The following HAGH variants were observed in gnomAD, a reference collection of about 807,000 sequenced individuals.
The protein encoded by HAGH is hydroxyacylglutathione hydrolase, mitochondrial.
Under a neutral mutation model 35.1 loss-of-function variants are expected in HAGH, and 29 were observed. The ratio of observed to expected loss-of-function variants is 0.83; its 90% CI spans 0.62 to 1.13. HAGH has a LOEUF of 1.13. HAGH is among the 50% of genes most tolerant of loss of function. HAGH has a pLI of 0.00. For missense variants in HAGH, 478 were observed against 419.6 expected (o/e 1.14, Z -1.22); for synonymous variants, 225 against 176.1 (o/e 1.28, Z -2.20).
rs1026461455 is a variant in HAGH at position 1,822,364 on chromosome 16, C to G, written c.250G>C (p.Val84Leu). The G allele has an allele frequency of 1.5e-5, 24 of 1,608,286 alleles. No individual in the cohort carries two copies. The highest frequency in any genetic ancestry group is 1.9e-5 in the Non-Finnish European group (22 of 1,176,562). The change falls in exon 3 of 9, where the codon GTC (valine) becomes CTC (leucine). Residue 84 changes from valine (V) to leucine (L), a missense_variant and splice_region_variant. Coordinates refer to ENST00000397356, the MANE Select transcript of HAGH (RefSeq NM_005326.6). The stretch of plus-strand genomic sequence containing the variant: ...CCGTGCTTTCTCGCCGCGTCCACGA[C>G]CTGCAGTGGCCCCGGGGAAGGACAA... Reference protein sequence around the residue: ...AIVDPVQPQKVVDAARKHGVK... With the variant: ...AIVDPVQPQKLVDAARKHGVK...
rs76162645 is a variant in HAGH at position 1,822,825 on chromosome 16, G to T, written c.249+40C>A. 817 of 1,582,016 alleles carry T rather than the reference G, an allele frequency of 5.2e-4. 14 individuals are homozygous for T. In the East Asian group the frequency reaches 0.018, roughly 35 times the overall value. Reference sequence around the variant, plus strand: ...CATCGGGGGTGAGGACTCCGAGCTGGGTGACCAGGGCAGGGAGAGCCAGGC... The same window carrying T: ...CATCGGGGGTGAGGACTCCGAGCTGTGTGACCAGGGCAGGGAGAGCCAGGC... On this transcript the variant is annotated intron_variant, in intron 2 of 8. Coordinates refer to ENST00000397356, the MANE Select transcript of HAGH (RefSeq NM_005326.6).
chr16:1,817,129 G>C (rs1386731252), intron 6 of HAGH, 39 bp downstream of exon 6: 1 of 1,451,368 alleles, frequency 6.9e-7, no homozygotes, highest in Non-Finnish European at 9.7e-7. Flanking sequence ...CCCTGGTTAA[G>C]GCCCCCCACA....
intron 7 of HAGH, among the ~76,000 whole-genome samples, chr16:1,816,681 G>A (rs368736226): frequency 1.3e-4 from 20 of 152,228 alleles, no homozygotes; most frequent in African/African-American, 4.8e-4. Flanking sequence ...CACACGCAGC[G>A]TCTGAGGCCT....
Position 1,826,811 on chromosome 16 carries a change from G to T in HAGH, c.-24C>A. 8.2e-7 allele frequency: 1 copy of T among 1,213,410 alleles called. No individual in the cohort carries two copies. The highest frequency in any genetic ancestry group is 1.0e-6 in the Non-Finnish European group (1 of 971,024). The allele number at this position is 1,213,410 out of a possible 1,614,324, so 75.2% of individuals were successfully genotyped here. A position where few individuals can be genotyped will look rare whatever the true frequency, so the allele number is the denominator to read the frequency against. ...ATGACCCGGGCCGGGCTGGACTGCC[G>T]AGCTGCCCAGGACTGCAAAACACCG... On this transcript the variant is annotated 5_prime_UTR_variant, in exon 1 of 9. Transcript: ENST00000397356.
chr16:1,818,820 C>T (rs2142040815), intron 5 of HAGH: 11 of 405,260 alleles, frequency 2.7e-5, no homozygotes, highest in South Asian at 2.2e-4. Context: ...AGCCACCCCT[C>T]GCCCTGCTGG....
rs1275653749 is a variant in HAGH, at chr16:1,819,199, G to A, written c.457C>T (p.Leu153=). The change falls in exon 5 of 9, where the codon CTG becomes TTG. Residue 153 remains leucine (L), a synonymous_variant. Coordinates refer to ENST00000397356, the MANE Select transcript of HAGH (RefSeq NM_005326.6). The part of the protein sequence containing the change: ...LQVGSLNVKC[L]ATPCHTSGHI... Reference sequence around the variant, plus strand: ...CCTGAAGTGTGGCACGGGGTCGCCAGGCACTTGACGTTCAGAGACCCCACC... The same window carrying A: ...CCTGAAGTGTGGCACGGGGTCGCCAAGCACTTGACGTTCAGAGACCCCACC... The A allele has an allele frequency of 1.9e-6, 3 of 1,611,894 alleles. No individual in the cohort carries two copies. Among genetic ancestry groups the A allele is most frequent in the Admixed American group, 1.7e-5 (1 of 59,930 alleles).
rs540116968 is a variant in HAGH, at chr16:1,822,703, C to T, written c.249+162G>A. ...CAGCGCTTTCTGTGTCACTGCCTCT[C>T]GCCTCCACCCTTCTTGGAGCCCTGT... On this transcript the variant is annotated intron_variant, in intron 2 of 8. Transcript: ENST00000397356. Among the ~76,000 whole-genome samples, 19 of 152,344 alleles carry T rather than the reference C, an allele frequency of 1.2e-4. No homozygotes were observed. The East Asian group carries it at 3.3e-3, about 26-fold the overall frequency.
rs945789904 is a variant in HAGH, at chr16:1,808,860, G to A, written c.*423C>T. On this transcript the variant is annotated 3_prime_UTR_variant, in exon 9 of 9. Transcript: ENST00000397356. ...CTGGCCGCCTCCAGGAAGAAGACGC[G>A]GCCACCTCTCCCTGCCGGGGGCCTG... The A allele has an allele frequency of 8.0e-5, 13 of 161,554 alleles. No individual in the cohort carries two copies. Among genetic ancestry groups the A allele is most frequent in the East Asian group, 1.8e-4 (1 of 5,644 alleles). 10.0% of individuals were successfully genotyped at this position (161,554 alleles called of 1,614,324 possible).
chr16:1,819,760 C>T (rs1898060650), intron 4 of HAGH, 137 bp downstream of exon 4: 1 of 684,590 alleles, frequency 1.5e-6, no homozygotes, highest in Non-Finnish European at 2.6e-6. Flanking sequence ...AGAAGACCAT[C>T]CACGCTGCCA....
At chr16:1,814,542 C>A (rs543796066) in intron 7 of HAGH, among the ~76,000 whole-genome samples, 1 of 151,428 alleles carries the variant, frequency 6.6e-6, no homozygotes, top group Admixed American at 6.6e-5. Flanking sequence ...AAACTATTTT[C>A]CAAAAGACAA....
Position 1,826,793 on chromosome 16 carries a change from G to A in HAGH, c.-6C>T. 2 of 1,214,836 alleles carry A rather than the reference G, an allele frequency of 1.6e-6. No homozygotes were observed. The highest frequency in any genetic ancestry group is 4.3e-5 in the Admixed American group (1 of 23,110). The allele number at this position is 1,214,836 out of a possible 1,614,324, so 75.3% of individuals were successfully genotyped here. A position where few individuals can be genotyped will look rare whatever the true frequency, so the allele number is the denominator to read the frequency against. On this transcript the variant is annotated 5_prime_UTR_variant, in exon 1 of 9. Coordinates refer to ENST00000397356, the MANE Select transcript of HAGH (RefSeq NM_005326.6). ...AGCCCTCGGCCCACCACCATGACCCGGGCCGGGCTGGACTGCCGAGCTGCC... is the reference window on the plus strand; with the variant it reads ...AGCCCTCGGCCCACCACCATGACCCAGGCCGGGCTGGACTGCCGAGCTGCC...
chr16:1,820,497 G>T (rs1015790116), intron 3 of HAGH, among the ~76,000 whole-genome samples: 3 of 152,134 alleles, frequency 2.0e-5, no homozygotes, highest in African/African-American at 7.2e-5. Context: ...TGTTCAGCAT[G>T]GGAATCACCT....
Position 1,819,611 on chromosome 16 carries a change from G to A in HAGH, c.432+286C>T, listed in dbSNP as rs1415519713. On this transcript the variant is annotated intron_variant, in intron 4 of 8. Coordinates refer to ENST00000397356, the MANE Select transcript of HAGH (RefSeq NM_005326.6). ...CCTCAAAAAGGCTGAAGACACCCTCGCAGGGCCCTCCCACCTGTGTGCTGT... is the reference window on the plus strand; with the variant it reads ...CCTCAAAAAGGCTGAAGACACCCTCACAGGGCCCTCCCACCTGTGTGCTGT... Among the ~76,000 whole-genome samples, 11 of 152,204 alleles carry A rather than the reference G, an allele frequency of 7.2e-5. No individual in the cohort carries two copies. The South Asian group carries it at 1.0e-3, about 14-fold the overall frequency.
rs1897481946 is a variant in HAGH at position 1,808,165 on chromosome 16, T to C, written c.*1118A>G. ...CCCTGTTCCCCAAGCCAGAATGCAG[T>C]GGCACAAGCAATGCTCACTGCAGCC... is the stretch of plus-strand genomic sequence containing the variant. On this transcript the variant is annotated 3_prime_UTR_variant, in exon 9 of 9. Transcript: ENST00000397356. 6.6e-6 allele frequency: 1 copy of C among 152,272 alleles called. No homozygotes were observed. Among genetic ancestry groups the C allele is most frequent in the South Asian group, 2.1e-4 (1 of 4,836 alleles). The allele number at this position is 152,272 out of a possible 1,614,324, so 9.4% of individuals were successfully genotyped here. A position where few individuals can be genotyped will look rare whatever the true frequency, so the allele number is the denominator to read the frequency against.
At chr16:1,817,388 G>T in intron 5 of HAGH, 117 bp from the exon 6 acceptor site, 1 of 711,992 alleles carries the variant, frequency 1.4e-6, no homozygotes. Flanking sequence ...AACCCTGGCT[G>T]CCCTCCGGCC....
chr16:1,817,431 G>A (rs995966625), intron 5 of HAGH, among the ~76,000 whole-genome samples, 160 bp from the exon 6 acceptor site: 2 of 152,048 alleles, frequency 1.3e-5, no homozygotes, highest in Non-Finnish European at 2.9e-5. Flanking sequence ...CCTGCATTCC[G>A]GCTCCCACAT....
At chr16:1,825,022 A>G (rs2142053868) in intron 1 of HAGH, among the ~76,000 whole-genome samples, 1 of 152,336 alleles carries the variant, frequency 6.6e-6, no homozygotes, top group Non-Finnish European at 1.5e-5. Flanking sequence ...GCAGAACATT[A>G]CAAACAAAAA....
Position 1,820,015 on chromosome 16 carries a change from C to T in HAGH, c.315-1G>A, listed in dbSNP as rs1898078812. The T allele has an allele frequency of 6.2e-7, 1 of 1,604,140 alleles. No homozygotes were observed. Among genetic ancestry groups the T allele is most frequent in the African/African-American group, 1.4e-5 (1 of 73,782 alleles). ...TTTCTCATTCCCGCCAGCATGGTCCCTAGAAGTCAAACAGGAGACCTGGGC... is the reference window on the plus strand; with the variant it reads ...TTTCTCATTCCCGCCAGCATGGTCCTTAGAAGTCAAACAGGAGACCTGGGC... On this transcript the variant is annotated splice_acceptor_variant, in intron 3 of 8. Coordinates refer to ENST00000397356, the MANE Select transcript of HAGH (RefSeq NM_005326.6). LOFTEE classifies it high-confidence loss of function.
At chr16:1,826,873 C>A, upstream of HAGH, 7 of 860,592 alleles carry the variant, frequency 8.1e-6, no homozygotes, top group Non-Finnish European at 1.1e-5. Context: ...GCCCGCCTCG[C>A]GCTGCCCTCA....
Sources: allele counts gnomAD v4.1 joint callset (sites outside exome capture counted in the v4.1 genomes callset), GRCh38; gene constraint gnomAD v4.1.1; transcripts MANE v1.5; gene names NCBI Gene and HGNC (gene_info 2026-07-23, HGNC 2026-07-21).